The following SAMD3 variants were observed in gnomAD, a reference collection of about 807,000 sequenced individuals.
SAMD3 encodes sterile alpha motif domain-containing protein 3.
A neutral mutation model predicts 58.5 loss-of-function variants in SAMD3; 63 were observed. That is an observed-to-expected ratio of 1.08 (90% CI 0.88 to 1.33). SAMD3 has a LOEUF of 1.33. SAMD3 is among the 40% of genes most tolerant of loss of function. The pLI, the probability that SAMD3 is intolerant of heterozygous loss-of-function variation, is 0.00. For missense variants in SAMD3, 604 were observed against 608.4 expected, an observed-to-expected ratio of 0.99 and a Z score of 0.08; for synonymous variants, 220 against 210.3, an observed-to-expected ratio of 1.05 and a Z score of -0.40.
rs139734973 is a variant in SAMD3, at chr6:130,245,681, T to C, written c.-187-22868A>G. Among the ~76,000 whole-genome samples the C allele has an allele frequency of 5.9e-5, 9 of 152,306 alleles. No homozygotes were observed. The East Asian group carries it at 1.7e-3, about 29-fold the overall frequency. The stretch of plus-strand genomic sequence containing the variant: ...TCAACCTTCCTTTGGAGCAGAACCA[T>C]GTATTGGCCTCAGGGAGTGTAATGA... On this transcript the variant is annotated intron_variant, in intron 2 of 13. Coordinates refer to the SAMD3 transcript ENST00000368134.
At chr6:130,216,021 T>C (rs1795986395) in intron 2 of SAMD3, 1 of 428,440 alleles carries the variant, frequency 2.3e-6, no homozygotes, top group Non-Finnish European at 4.1e-6. Flanking sequence ...GACTGAAAAC[T>C]TTTTACTTAA....
At chr6:130,193,585 C>T (rs961284856) in intron 5 of SAMD3, among the ~76,000 whole-genome samples, 1 of 152,094 alleles carries the variant, frequency 6.6e-6, no homozygotes, top group African/African-American at 2.4e-5. Flanking sequence ...GCCTCCTTCA[C>T]TATGGGCAAC....
intron 2 of SAMD3, among the ~76,000 whole-genome samples, chr6:130,240,210 TACA>T (rs1474860915): frequency 1.3e-5 from 2 of 150,864 alleles, no homozygotes; most frequent in East Asian, 3.8e-4. Context: ...TCTTCTCACA[TACA>T]ACATTTTCCT....
Position 130,160,963 on chromosome 6 carries a change from A to G in SAMD3, c.823-5938T>C, listed in dbSNP as rs566440133. The G allele has an allele frequency of 5.3e-5, 8 of 151,768 alleles. No individual in the cohort carries two copies. The East Asian group carries it at 1.6e-3, about 29-fold the overall frequency. The allele number at this position is 151,768 out of a possible 1,614,324, so 9.4% of individuals were successfully genotyped here. A position where few individuals can be genotyped will look rare whatever the true frequency, so the allele number is the denominator to read the frequency against. On this transcript the variant is annotated intron_variant, in intron 8 of 11. Coordinates refer to ENST00000439090, the MANE Select transcript of SAMD3 (RefSeq NM_001017373.4). Reference sequence around the variant, plus strand: ...TACAGAGGATTTATTCAAATAAAATATGTGCTTGAAAAAAAAACAAGCAAA... The same window carrying G: ...TACAGAGGATTTATTCAAATAAAATGTGTGCTTGAAAAAAAAACAAGCAAA...
intron 2 of SAMD3, among the ~76,000 whole-genome samples, chr6:130,246,763 C>T (rs1350013891): frequency 6.6e-6 from 1 of 152,022 alleles, no homozygotes; most frequent in African/African-American, 2.4e-5. Flanking sequence ...ATGGTGGGTG[C>T]CTGTAATCCC....
At chr6:130,362,402 G>T (rs1188152803) in intron 1 of SAMD3, among the ~76,000 whole-genome samples, 2 of 152,154 alleles carry the variant, frequency 1.3e-5, no homozygotes, top group African/African-American at 4.8e-5. Flanking sequence ...GAACAGGTGG[G>T]CCACCACTAC....
Position 130,276,455 on chromosome 6 carries a change from G to A in SAMD3, c.-188+36523C>T, listed in dbSNP as rs569036020. On this transcript the variant is annotated intron_variant, in intron 2 of 13. Transcript: ENST00000368134. ...TGCAAGAATAAACAAGAATGTATAG[G>A]TAAGTAAAGAGTGGGTGGAATAATA... Among the ~76,000 whole-genome samples the A allele has an allele frequency of 4.6e-5, 7 of 152,202 alleles. No individual in the cohort carries two copies. In the South Asian group the frequency reaches 1.5e-3, roughly 32 times the overall value.
intron 2 of SAMD3, among the ~76,000 whole-genome samples, chr6:130,294,954 G>C (rs1435477520): frequency 8.1e-5 from 3 of 37,104 alleles, no homozygotes; most frequent in South Asian, 1.5e-3. Context: ...ACGGAGTTTT[G>C]CTCTTGTTGC....
chr6:130,301,208 C>A (rs538142351), intron 2 of SAMD3, among the ~76,000 whole-genome samples: 84 of 152,206 alleles, frequency 5.5e-4, no homozygotes, highest in African/African-American at 1.8e-3. Context: ...TTTTCTTAAT[C>A]CAGTCTATCA....
intron 1 of SAMD3, among the ~76,000 whole-genome samples, chr6:130,360,813 C>A (rs1266912873): frequency 1.3e-5 from 2 of 152,134 alleles, no homozygotes; most frequent in Non-Finnish European, 2.9e-5. Context: ...CCCAAGGGGG[C>A]CATTTTAGAG....
At chr6:130,365,726 C>A (rs968773774), upstream of SAMD3, 1 of 985,412 alleles carries the variant, frequency 1.0e-6, no homozygotes, top group Non-Finnish European at 1.2e-6. Context: ...CAAGCGGGTA[C>A]TTTGTTCCCA....
At chr6:130,211,920 C>A (rs1795607001) in intron 4 of SAMD3, among the ~76,000 whole-genome samples, 1 of 149,498 alleles carries the variant, frequency 6.7e-6, no homozygotes, top group African/African-American at 2.5e-5. Context: ...ATCTAGAATG[C>A]CATCACAGAC....
chr6:130,187,630 T>C (rs1284311611), intron 5 of SAMD3, among the ~76,000 whole-genome samples: 1 of 152,150 alleles, frequency 6.6e-6, no homozygotes, highest in Admixed American at 6.5e-5. Flanking sequence ...GGCAAAATCA[T>C]TTCTCATCTG....
At chr6:130,287,029 C>A (rs1775180148) in intron 2 of SAMD3, among the ~76,000 whole-genome samples, 1 of 152,218 alleles carries the variant, frequency 6.6e-6, no homozygotes, top group South Asian at 2.1e-4. Flanking sequence ...CTTTCAAAAT[C>A]TCTCCTTCCC....
At chr6:130,245,897 C>T (rs1274468994) in intron 2 of SAMD3, among the ~76,000 whole-genome samples, 3 of 151,934 alleles carry the variant, frequency 2.0e-5, no homozygotes, top group Admixed American at 6.6e-5. Context: ...CTCAGTTACA[C>T]GAACATAGGA....
chr6:130,297,218 T>C (rs115763916), intron 2 of SAMD3, among the ~76,000 whole-genome samples: 2,117 of 152,212 alleles, frequency 0.014, 52 homozygotes, highest in African/African-American at 0.046. Flanking sequence ...AATGCATCAC[T>C]ACAACAAGCA....
At chr6:130,334,597 T>C (rs1204266077) in intron 1 of SAMD3, among the ~76,000 whole-genome samples, 1 of 152,228 alleles carries the variant, frequency 6.6e-6, no homozygotes, top group Non-Finnish European at 1.5e-5. Context: ...CTCTCTGAGA[T>C]TCACCTTCTT....
At chr6:130,203,167 T>C (rs189266111) in intron 5 of SAMD3, among the ~76,000 whole-genome samples, 26 of 152,284 alleles carry the variant, frequency 1.7e-4, no homozygotes, top group African/African-American at 5.8e-4. Flanking sequence ...GGACCACTTG[T>C]TAGAATCGAG....
At chr6:130,253,357 A>G (rs1413198432) in intron 2 of SAMD3, among the ~76,000 whole-genome samples, 2 of 152,228 alleles carry the variant, frequency 1.3e-5, no homozygotes, top group Non-Finnish European at 2.9e-5. Flanking sequence ...AGTTGGAACC[A>G]GTGGGCTACA....
Sources: allele counts gnomAD v4.1 joint callset (sites outside exome capture counted in the v4.1 genomes callset), GRCh38; gene constraint gnomAD v4.1.1; transcripts MANE v1.5; gene names NCBI Gene and HGNC (gene_info 2026-07-23, HGNC 2026-07-21).